CARF: variants seen among roughly 807,000 people sequenced by gnomAD.
CARF encodes calcium-responsive transcription factor.
Under a neutral mutation model 82.0 loss-of-function variants are expected in CARF, and 57 were observed. That is an observed-to-expected ratio of 0.70 (90% CI 0.56 to 0.87). The LOEUF (loss-of-function observed/expected upper bound fraction) is 0.87. CARF is among the 40% of genes least tolerant of loss of function. The pLI is 0.00. For synonymous variants in CARF, 268 were observed against 290.1 expected (o/e 0.92, Z 0.77); for missense variants, 771 against 855.8 (o/e 0.90, Z 1.24).
intron 2 of CARF, among the ~76,000 whole-genome samples, chr2:202,919,645 A>G (rs1454431227): frequency 6.6e-6 from 1 of 152,238 alleles, no homozygotes; most frequent in Non-Finnish European, 1.5e-5. Context: ...AAAGGAACAA[A>G]TAATTCCTTT....
chr2:202,956,505 G>C (rs183970988), intron 8 of CARF, among the ~76,000 whole-genome samples: 1 of 151,976 alleles, frequency 6.6e-6, no homozygotes, highest in Admixed American at 6.6e-5. Flanking sequence ...CCCACCTCAG[G>C]CTCCCAAAGT....
intron 15 of CARF, 33 bp from the exon 16 acceptor site, chr2:202,982,039 A>C: frequency 6.3e-7 from 1 of 1,595,562 alleles, no homozygotes. Context: ...TAGGAAATTC[A>C]AACATTTTGA....
chr2:202,954,853 C>CA (rs879734415), intron 7 of CARF, among the ~76,000 whole-genome samples: 76 of 139,582 alleles, frequency 5.4e-4, no homozygotes, highest in East Asian at 1.7e-3. Flanking sequence ...ACTAAAAATA[C>CA]AAAAAAAAAA....
In CARF at chr2:202,969,901, T is replaced by A. The variant is rs756720308; in HGVS notation, c.954-18T>A. 4 of 1,395,922 alleles carry A rather than the reference T, an allele frequency of 2.9e-6. No individual in the cohort carries two copies. The highest frequency in any genetic ancestry group is 3.8e-6 in the Non-Finnish European group (4 of 1,039,390). 86.5% of individuals were successfully genotyped at this position (1,395,922 alleles called of 1,614,324 possible). A position where few individuals can be genotyped will look rare whatever the true frequency, so the allele number is the denominator to read the frequency against. On this transcript the variant is annotated intron_variant, in intron 10 of 16. Transcript: ENST00000438828. Reference sequence around the variant, plus strand: ...ATTATAATATAATGAAACAAATTCTTCTTTATCTTGTATAAAGGATTTACA... The same window carrying A: ...ATTATAATATAATGAAACAAATTCTACTTTATCTTGTATAAAGGATTTACA...
At chr2:202,923,719 G>A (rs561948304) in intron 2 of CARF, among the ~76,000 whole-genome samples, 6 of 152,028 alleles carry the variant, frequency 3.9e-5, no homozygotes, top group African/African-American at 7.2e-5. Flanking sequence ...ACCTGATTTC[G>A]AACTATACTA....
chr2:202,976,064 C>A (rs1293608755), intron 13 of CARF, among the ~76,000 whole-genome samples: 2 of 151,884 alleles, frequency 1.3e-5, no homozygotes, highest in East Asian at 3.9e-4. Flanking sequence ...AATATATATC[C>A]ATCTATCCAT....
At chr2:202,925,883 A>G in intron 3 of CARF, 1 of 171,856 alleles carries the variant, frequency 5.8e-6, no homozygotes, top group Non-Finnish European at 1.2e-5. Flanking sequence ...CCATACAGAA[A>G]CCACCAGTGG....
At chr2:202,958,640 G>A (rs983736117) in intron 8 of CARF, among the ~76,000 whole-genome samples, 2 of 151,908 alleles carry the variant, frequency 1.3e-5, no homozygotes, top group African/African-American at 4.8e-5. Context: ...GGCTGGGTGC[G>A]GTGGCTCACG....
At chr2:202,916,692 A>G (rs1221562975) in intron 1 of CARF, among the ~76,000 whole-genome samples, 1 of 152,192 alleles carries the variant, frequency 6.6e-6, no homozygotes, top group African/African-American at 2.4e-5. Context: ...TGTGAAGGAT[A>G]CTCAACAACA....
At chr2:202,982,048 G>A in intron 15 of CARF, 24 bp from the exon 16 acceptor site, 1 of 1,601,468 alleles carries the variant, frequency 6.2e-7, no homozygotes, top group South Asian at 1.1e-5. Context: ...CAAACATTTT[G>A]ATGTACTCTT....
At chr2:202,915,414 C>G (rs1689451834) in intron 1 of CARF, among the ~76,000 whole-genome samples, 1 of 152,134 alleles carries the variant, frequency 6.6e-6, no homozygotes, top group African/African-American at 2.4e-5. Flanking sequence ...GTGTTTCAGC[C>G]TCCCCAATAG....
chr2:202,967,897 T>C (rs2059619719), intron 10 of CARF, among the ~76,000 whole-genome samples: 1 of 152,214 alleles, frequency 6.6e-6, no homozygotes, highest in Non-Finnish European at 1.5e-5. Flanking sequence ...TCATTGCTCT[T>C]GGTAAGAATG....
chr2:202,917,703 G>C (rs1042797066), intron 1 of CARF, among the ~76,000 whole-genome samples, 174 bp from the exon 2 acceptor site: 1 of 152,298 alleles, frequency 6.6e-6, no homozygotes, highest in Admixed American at 6.5e-5. Context: ...CAAGATACAT[G>C]TAGTTACCTG....
chr2:202,917,078 G>A (rs943422196), intron 1 of CARF, among the ~76,000 whole-genome samples: 20 of 151,146 alleles, frequency 1.3e-4, no homozygotes, highest in African/African-American at 4.8e-4. Flanking sequence ...GGGCGTAGTG[G>A]CGGGCGCCTG....
intron 7 of CARF, 68 bp downstream of exon 7, chr2:202,954,202 T>C (rs2058917992): frequency 1.3e-6 from 2 of 1,518,006 alleles, no homozygotes; most frequent in Non-Finnish European, 1.8e-6. Context: ...AAATTACACA[T>C]TTAAAGCTGG....
chr2:202,959,655 C>G (rs2059215441), intron 8 of CARF, among the ~76,000 whole-genome samples: 1 of 151,886 alleles, frequency 6.6e-6, no homozygotes, highest in African/African-American at 2.4e-5. Flanking sequence ...CCTGTCTCTA[C>G]TAAAAATACC....
At chr2:202,943,256 T>C (rs2058319416) in intron 5 of CARF, among the ~76,000 whole-genome samples, 1 of 152,078 alleles carries the variant, frequency 6.6e-6, no homozygotes, top group South Asian at 2.1e-4. Flanking sequence ...GTATTTTTAA[T>C]AGAGACAGGA....
intron 14 of CARF, among the ~76,000 whole-genome samples, chr2:202,981,042 C>T (rs772357005): frequency 6.6e-6 from 1 of 152,174 alleles, no homozygotes; most frequent in Middle Eastern, 3.4e-3. Flanking sequence ...TCTATGTTTT[C>T]TTAAACATCC....
chr2:202,970,539 TTA>T lies in CARF; in HGVS notation c.1097+478_1097+479del, dbSNP rs530268134. Among the ~76,000 whole-genome samples the T allele has an allele frequency of 9.4e-4, 143 of 152,314 alleles. 1 individual carries two copies. The highest frequency in any genetic ancestry group is 3.3e-3 in the African/African-American group (136 of 41,578). ...TGCTTTAGGTTTTAAATGTGAAATATTAGCATTCTTTTTTACTTTCCTTTATG... is the reference window on the plus strand; with the variant it reads ...TGCTTTAGGTTTTAAATGTGAAATATGCATTCTTTTTTACTTTCCTTTATG... On this transcript the variant is annotated intron_variant, in intron 11 of 16. Transcript: ENST00000438828.
Sources: gnomAD v4.1 joint callset for allele counts (sites outside exome capture counted in the v4.1 genomes callset) on GRCh38, gnomAD v4.1.1 for gene constraint, MANE v1.5 for transcripts, NCBI Gene and HGNC (gene_info 2026-07-23, HGNC 2026-07-21) for gene names.